The following MAP3K13 variants were observed in gnomAD, a reference collection of about 807,000 sequenced individuals.
MAP3K13 encodes the protein leucine zipper-bearing kinase.
Under a neutral mutation model 104.0 loss-of-function variants are expected in MAP3K13, and 52 were observed. The ratio of observed to expected loss-of-function variants is 0.50; its 90% CI spans 0.40 to 0.63. MAP3K13 has a LOEUF of 0.63. Among genes scored for constraint, MAP3K13 ranks in the 20% least tolerant of loss-of-function variants. The pLI, the probability that MAP3K13 is intolerant of heterozygous loss-of-function variation, is 0.00. For synonymous variants in MAP3K13, 394 were observed against 442.2 expected (o/e 0.89, Z 1.37); for missense variants, 914 against 1,218.5 (o/e 0.75, Z 3.72).
intron 1 of MAP3K13, among the ~76,000 whole-genome samples, chr3:185,371,071 CT>C (rs1724136922): frequency 6.6e-6 from 1 of 152,002 alleles, no homozygotes; most frequent in Non-Finnish European, 1.5e-5. Flanking sequence ...ATGATAATTG[CT>C]AGCTTTTGAA....
intron 2 of MAP3K13, among the ~76,000 whole-genome samples, chr3:185,316,827 C>T (rs1198123825): frequency 6.6e-6 from 1 of 152,040 alleles, no homozygotes; most frequent in Non-Finnish European, 1.5e-5. Flanking sequence ...ATTAGTATCC[C>T]ATCCTAAATT....
rs1269276145 is a variant in MAP3K13 at position 185,417,772 on chromosome 3, C to T, written c.-85-10725C>T. ...GGCCTGGCGAAGAATGGTGTTCCGG[C>T]GCATGGTCTTTGCATATGGGTTTAG... On this transcript the variant is annotated intron_variant, in intron 1 of 13. Transcript: ENST00000265026. The T allele has an allele frequency of 2.5e-6, 4 of 1,612,146 alleles. No individual in the cohort carries two copies. In the Admixed American group the frequency reaches 6.7e-5, roughly 27 times the overall value.
At chr3:185,294,287 G>A (rs1720843716) in intron 2 of MAP3K13, among the ~76,000 whole-genome samples, 1 of 152,180 alleles carries the variant, frequency 6.6e-6, no homozygotes, top group African/African-American at 2.4e-5. Context: ...GCATTGGTTA[G>A]GTTAGCATAG....
At position 185,485,352 on chromosome 3, in the gene MAP3K13, A is replaced by C. The variant is rs530595782; in HGVS notation, c.*2896A>C. ...GAGACTAAAAAAAGAAATGGTATAC[A>C]GTAGTCCCCTCTTACCCATGGCTTC... On this transcript the variant is annotated 3_prime_UTR_variant, in exon 14 of 14. Transcript: ENST00000265026. The C allele has an allele frequency of 2.6e-5, 4 of 152,202 alleles. No individual in the cohort carries two copies. The highest frequency in any genetic ancestry group is 9.7e-5 in the African/African-American group (4 of 41,450). The allele number at this position is 152,202 out of a possible 1,614,324, so 9.4% of individuals were successfully genotyped here. A position where few individuals can be genotyped will look rare whatever the true frequency, so the allele number is the denominator to read the frequency against.
At chr3:185,420,171 A>T (rs9859414) in intron 1 of MAP3K13, among the ~76,000 whole-genome samples, 35,958 of 151,912 alleles carry the variant, frequency 0.24, 4,957 homozygotes, top group African/African-American at 0.38. Flanking sequence ...GAAGATGAAA[A>T]GAGGTAGGTC....
Position 185,346,177 on chromosome 3 carries a change from C to T in MAP3K13, c.-86+60534C>T, listed in dbSNP as rs115079744. Among the ~76,000 whole-genome samples the T allele has an allele frequency of 5.5e-3, 833 of 152,240 alleles. 6 individuals are homozygous for T. The highest frequency in any genetic ancestry group is 0.018 in the African/African-American group (752 of 41,548). On this transcript the variant is annotated intron_variant, in intron 2 of 14. Coordinates refer to the MAP3K13 transcript ENST00000424227. The stretch of plus-strand genomic sequence containing the variant: ...CAACATCTCCCCAAAACCCCAATAA[C>T]GCGTTTTCTTAAAGTTAAAATAATT...
At chr3:185,401,473 A>G (rs1712811589) in intron 1 of MAP3K13, among the ~76,000 whole-genome samples, 1 of 152,136 alleles carries the variant, frequency 6.6e-6, no homozygotes, top group Non-Finnish European at 1.5e-5. Flanking sequence ...GCACTGATAG[A>G]TGGAATCTCC....
chr3:185,477,269 TGA>T, intron 11 of MAP3K13, 55 bp from the exon 12 acceptor site: 1 of 1,081,476 alleles, frequency 9.2e-7, no homozygotes, highest in Non-Finnish European at 1.4e-6. Context: ...GGGGATGGGG[TGA>T]GAGAGACAGA....
chr3:185,293,930 A>G (rs1424176822), intron 2 of MAP3K13, among the ~76,000 whole-genome samples: 1 of 152,190 alleles, frequency 6.6e-6, no homozygotes, highest in Non-Finnish European at 1.5e-5. Flanking sequence ...TAATATTTTA[A>G]TATCTATTCT....
rs139333467 is a variant in MAP3K13 at position 185,428,752 on chromosome 3, C to G, written c.171C>G (p.Ile57Met). ...QEKGMVRTELIESVHSPVTTT... is the reference protein window; with the variant it reads ...QEKGMVRTELMESVHSPVTTT... ...AGGGGATGGTACGAACAGAGCTAAT[C>G]GAGAGCGTGCACAGCCCCGTCACCA... Residue 57 changes from isoleucine to methionine, a missense_variant, in exon 2 of 14, where the codon ATC (isoleucine) becomes ATG (methionine). Physicochemically the swap from Ile to Met is conservative, Grantham distance 10 (BLOSUM62 1). This residue lies in a region of MAP3K13 where 156 missense variants were observed against 159.8 expected (regional missense o/e 0.98). Transcript: ENST00000265026. 2.9e-5 allele frequency: 46 copies of G among 1,614,030 alleles called. No homozygotes were observed. Among genetic ancestry groups the G allele is most frequent in the Non-Finnish European group, 3.6e-5 (43 of 1,180,032 alleles).
At chr3:185,318,895 T>G (rs1721765110) in intron 2 of MAP3K13, among the ~76,000 whole-genome samples, 1 of 152,210 alleles carries the variant, frequency 6.6e-6, no homozygotes, top group Non-Finnish European at 1.5e-5. Flanking sequence ...AAAGCAATAT[T>G]ACCATTACTT....
rs111339475 is a variant in MAP3K13, at chr3:185,482,321, C to T, written c.2800-34C>T. On this transcript the variant is annotated intron_variant, in intron 13 of 13. Coordinates refer to ENST00000265026, the MANE Select transcript of MAP3K13 (RefSeq NM_004721.5). This position sits in a 1 kb window ranked among gnomAD's most constrained non-coding sequence, Gnocchi z 4.5. ...TGACATATATTTACTGAGTGATTAT[C>T]GAAATGAATTAAGGTTTTGTCTTGC... The T allele has an allele frequency of 6.6e-4, 952 of 1,446,668 alleles. 3 individuals carry two copies. In the African/African-American group the frequency reaches 0.011, roughly 16 times the overall value. 89.6% of individuals were successfully genotyped at this position (1,446,668 alleles called of 1,614,324 possible). A position where few individuals can be genotyped will look rare whatever the true frequency, so the allele number is the denominator to read the frequency against.
rs903681290 is a variant in MAP3K13 at position 185,473,982 on chromosome 3, G to A, written c.2430+221G>A. The stretch of plus-strand genomic sequence containing the variant: ...CACTTTAGCAACTACTGAACCAGAG[G>A]ACTGAGTCAAGTGTATGTATAATAA... On this transcript the variant is annotated intron_variant, in intron 11 of 13. Transcript: ENST00000265026. This position sits in a 1 kb window ranked among gnomAD's most constrained non-coding sequence, Gnocchi z 4.9. 6.6e-6 allele frequency among the ~76,000 whole-genome samples: 1 copy of A among 152,144 alleles called. No individual in the cohort carries two copies. The highest frequency in any genetic ancestry group is 2.4e-5 in the African/African-American group (1 of 41,426).
chr3:185,303,520 AT>A (rs1022624124), intron 2 of MAP3K13, among the ~76,000 whole-genome samples: 382 of 147,106 alleles, frequency 2.6e-3, no homozygotes, highest in African/African-American at 7.6e-3. Flanking sequence ...GTCTTTTCCA[AT>A]TTTTTTTTTT....
intron 5 of MAP3K13, among the ~76,000 whole-genome samples, chr3:185,448,440 T>C (rs1553806828): frequency 6.6e-6 from 1 of 151,670 alleles, no homozygotes; most frequent in Non-Finnish European, 1.5e-5. Flanking sequence ...GGCTATGCTT[T>C]AAAAAAAAAT....
At chr3:185,456,989 C>T (rs568999057) in intron 7 of MAP3K13, among the ~76,000 whole-genome samples, 40 of 152,242 alleles carry the variant, frequency 2.6e-4, no homozygotes, top group Admixed American at 1.4e-3. Flanking sequence ...GCCATTAAGA[C>T]GGTCAATATA....
Position 185,383,522 on chromosome 3 carries a change from A to G in MAP3K13, c.-86+20154A>G, listed in dbSNP as rs140129732. ...GCTTGCTGTGAGTCAAGATCGTGCC[A>G]CTGCACTCCAGCCTGGGCGACAGAG... On this transcript the variant is annotated intron_variant, in intron 1 of 13. Transcript: ENST00000265026. 9.4e-4 allele frequency among the ~76,000 whole-genome samples: 141 copies of G among 149,994 alleles called. 2 individuals are homozygous for G. The highest frequency in any genetic ancestry group is 2.9e-3 in the African/African-American group (119 of 40,800).
intron 7 of MAP3K13, among the ~76,000 whole-genome samples, chr3:185,454,471 T>C (rs1285860763): frequency 1.8e-5 from 2 of 111,750 alleles, no homozygotes; most frequent in African/African-American, 7.2e-5. Flanking sequence ...ATGATATATA[T>C]ATGAGATATA....
chr3:185,427,589 T>G (rs1714500330), intron 1 of MAP3K13, among the ~76,000 whole-genome samples: 1 of 152,190 alleles, frequency 6.6e-6, no homozygotes, highest in African/African-American at 2.4e-5. Flanking sequence ...GAAACTTGTC[T>G]TGTCACAGAC....
Sources: gnomAD v4.1 joint callset for allele counts (sites outside exome capture counted in the v4.1 genomes callset) on GRCh38, gnomAD v4.1.1 for gene constraint, gnomAD v4.1.1 regional missense constraint, Gnocchi (gnomAD v3.1) non-coding constraint, MANE v1.5 for transcripts, NCBI Gene and HGNC (gene_info 2026-07-23, HGNC 2026-07-21) for gene names.